Variants in DNAJC1 observed in about 807,000 individuals in gnomAD.
DNAJC1 encodes the protein DnaJ heat shock protein family (Hsp40) member C1.
DNAJC1 carries 58 observed loss-of-function variants against 76.6 expected under a neutral mutation model. The ratio of observed to expected loss-of-function variants is 0.76; its 90% CI spans 0.61 to 0.94. The LOEUF is 0.94. Among genes scored for constraint, DNAJC1 ranks in the 40% least tolerant of loss-of-function variants. The pLI, the probability that DNAJC1 is intolerant of heterozygous loss-of-function variation, is 0.00. For missense variants in DNAJC1, 689 were observed against 677.3 expected (o/e 1.02, Z -0.19); for synonymous variants, 258 against 267.9 (o/e 0.96, Z 0.36).
intron 8 of DNAJC1, among the ~76,000 whole-genome samples, chr10:21,867,411 A>G (rs1304400066): frequency 2.0e-5 from 3 of 152,150 alleles, no homozygotes; most frequent in Non-Finnish European, 2.9e-5. Context: ...GGCCAACACA[A>G]TTTAAAATCT....
intron 8 of DNAJC1, among the ~76,000 whole-genome samples, chr10:21,851,847 G>A (rs941618592): frequency 6.6e-6 from 1 of 152,000 alleles, no homozygotes; most frequent in Non-Finnish European, 1.5e-5. Flanking sequence ...TAGGGCAGGA[G>A]ATCGATACCA....
intron 1 of DNAJC1, among the ~76,000 whole-genome samples, chr10:21,991,558 G>A (rs1838327048): frequency 6.6e-6 from 1 of 152,042 alleles, no homozygotes; most frequent in Non-Finnish European, 1.5e-5. Flanking sequence ...GCTACACTGG[G>A]TTTAAAAAAA....
intron 9 of DNAJC1, among the ~76,000 whole-genome samples, chr10:21,787,406 AGAG>A (rs939803442): frequency 4.6e-5 from 7 of 151,782 alleles, no homozygotes; most frequent in Middle Eastern, 3.4e-3. Flanking sequence ...AAAAGAAGGA[AGAG>A]GAGGAGGAGG....
At chr10:21,798,143 T>G (rs1188323169) in intron 9 of DNAJC1, among the ~76,000 whole-genome samples, 3 of 152,208 alleles carry the variant, frequency 2.0e-5, no homozygotes, top group African/African-American at 7.2e-5. Flanking sequence ...AAGTATACAT[T>G]GCTAATTAAC....
rs545904460 is a variant in DNAJC1, at chr10:21,979,482, T to C, written c.222+23731A>G. On this transcript the variant is annotated intron_variant, in intron 1 of 11. Transcript: ENST00000376980. ...TTGATTTTTTAAAGTATTATTATTT[T>C]CATGAGTGCTTATAAGGTTCCACAG... 2.0e-5 allele frequency among the ~76,000 whole-genome samples: 3 copies of C among 152,206 alleles called. No homozygotes were observed. In the South Asian group the frequency reaches 6.2e-4, roughly 31 times the overall value.
Position 21,756,613 on chromosome 10 carries a change from A to T in DNAJC1, c.*74T>A, listed in dbSNP as rs533686514. ...ATGACGTAGAAATATTGAGGTACAA[A>T]ATGCAAATTTCTGCATAAGATTTTT... On this transcript the variant is annotated 3_prime_UTR_variant, in exon 12 of 12. Coordinates refer to ENST00000376980, the MANE Select transcript of DNAJC1 (RefSeq NM_022365.4). 1 of 1,162,422 alleles carries T rather than the reference A, an allele frequency of 8.6e-7. No individual in the cohort carries two copies. The highest frequency in any genetic ancestry group is 2.4e-5 in the East Asian group (1 of 42,276). 72.0% of individuals were successfully genotyped at this position (1,162,422 alleles called of 1,614,324 possible). A position where few individuals can be genotyped will look rare whatever the true frequency, so the allele number is the denominator to read the frequency against.
chr10:21,997,261 A>G (rs1311330010), intron 1 of DNAJC1, among the ~76,000 whole-genome samples: 1 of 152,174 alleles, frequency 6.6e-6, no homozygotes, highest in Non-Finnish European at 1.5e-5. Flanking sequence ...TCCCATCCAA[A>G]AAACTGAGTG....
At chr10:21,781,644 C>A (rs1201510122) in intron 9 of DNAJC1, among the ~76,000 whole-genome samples, 1 of 146,260 alleles carries the variant, frequency 6.8e-6, no homozygotes, top group Non-Finnish European at 1.5e-5. Context: ...TGGCGTGAAC[C>A]TGGGAGGCGG....
chr10:21,998,573 C>A (rs149464349), intron 1 of DNAJC1, among the ~76,000 whole-genome samples: 1 of 151,968 alleles, frequency 6.6e-6, no homozygotes, highest in South Asian at 2.1e-4. Context: ...CATCTTCCCC[C>A]CATCTCCTCT....
At chr10:21,883,742 G>A (rs1836321744) in intron 7 of DNAJC1, among the ~76,000 whole-genome samples, 1 of 152,154 alleles carries the variant, frequency 6.6e-6, no homozygotes, top group South Asian at 2.1e-4. Context: ...GCTGCAGTTT[G>A]CTGCTGTTAC....
chr10:21,839,094 C>T (rs1466782662), intron 8 of DNAJC1, among the ~76,000 whole-genome samples: 7 of 152,270 alleles, frequency 4.6e-5, no homozygotes, highest in African/African-American at 1.7e-4. Context: ...GGGACACATT[C>T]AAAGCAGTGT....
intron 7 of DNAJC1, among the ~76,000 whole-genome samples, chr10:21,886,428 G>T (rs1379350442): frequency 1.3e-5 from 2 of 152,050 alleles, no homozygotes; most frequent in African/African-American, 4.8e-5. Flanking sequence ...CATTCCTACA[G>T]AAACAATTCC....
At chr10:21,911,995 T>C (rs1312920355) in intron 6 of DNAJC1, among the ~76,000 whole-genome samples, 2 of 152,194 alleles carry the variant, frequency 1.3e-5, no homozygotes, top group East Asian at 3.9e-4. Flanking sequence ...TTAATGTATT[T>C]GCAACTTAGG....
At chr10:21,941,995 TAAG>T (rs1166156254) in intron 1 of DNAJC1, among the ~76,000 whole-genome samples, 1 of 152,044 alleles carries the variant, frequency 6.6e-6, no homozygotes, top group African/African-American at 2.4e-5. Flanking sequence ...AAAGAAAAAT[TAAG>T]AAGTATAACA....
intron 1 of DNAJC1, among the ~76,000 whole-genome samples, chr10:21,967,427 A>T (rs1020878617): frequency 6.6e-6 from 1 of 152,064 alleles, no homozygotes; most frequent in Non-Finnish European, 1.5e-5. Context: ...TTCTTGCACC[A>T]CAGTGTTCTA....
chr10:21,936,070 CAT>C (rs1289533463), intron 1 of DNAJC1, among the ~76,000 whole-genome samples: 3 of 152,200 alleles, frequency 2.0e-5, no homozygotes, highest in African/African-American at 4.8e-5. Flanking sequence ...CTCCAAAACT[CAT>C]GTGTTGAAAT....
chr10:21,769,457 A>T (rs1421756775), intron 9 of DNAJC1, among the ~76,000 whole-genome samples: 1 of 152,222 alleles, frequency 6.6e-6, no homozygotes, highest in Non-Finnish European at 1.5e-5. Flanking sequence ...TCCAAGTTAA[A>T]CAGTTAGTGA....
At chr10:21,879,941 C>A (rs1388175362) in intron 8 of DNAJC1, among the ~76,000 whole-genome samples, 1 of 152,194 alleles carries the variant, frequency 6.6e-6, no homozygotes, top group African/African-American at 2.4e-5. Context: ...CAAAATATTT[C>A]TCTGTAGCAT....
intron 1 of DNAJC1, among the ~76,000 whole-genome samples, chr10:22,002,356 A>G (rs1340471519): frequency 6.6e-6 from 1 of 152,216 alleles, no homozygotes; most frequent in East Asian, 1.9e-4. Context: ...GGCTTCAGGT[A>G]GAGACTGGAT....
Sources: gnomAD v4.1 joint callset for allele counts (sites outside exome capture counted in the v4.1 genomes callset) on GRCh38, gnomAD v4.1.1 for gene constraint, MANE v1.5 for transcripts, NCBI Gene and HGNC (gene_info 2026-07-23, HGNC 2026-07-21) for gene names.